Variants in CCSER2 observed in about 807,000 individuals in gnomAD.
CCSER2 encodes the protein serine-rich coiled-coil domain-containing protein 2.
CCSER2 carries 46 observed loss-of-function variants against 92.3 expected under a neutral mutation model. The ratio of observed to expected loss-of-function variants is 0.50; its 90% CI spans 0.39 to 0.64. The LOEUF (loss-of-function observed/expected upper bound fraction) is 0.64. CCSER2 is among the 30% of genes least tolerant of loss of function. The pLI, the probability that CCSER2 is intolerant of heterozygous loss-of-function variation, is 0.00. For synonymous variants in CCSER2, 433 were observed against 431.4 expected, an observed-to-expected ratio of 1.00 and a Z score of -0.04; for missense variants, 1,244 against 1,238.9, an observed-to-expected ratio of 1.00 and a Z score of -0.06.
chr10:84,457,647 AT>A (rs1845842245), intron 6 of CCSER2, among the ~76,000 whole-genome samples: 6 of 95,876 alleles, frequency 6.3e-5, no homozygotes, highest in Admixed American at 3.4e-4. Context: ...ATAATTATAT[AT>A]AATTATATTA....
intron 3 of CCSER2, among the ~76,000 whole-genome samples, chr10:84,402,046 C>G (rs1465889000): frequency 6.6e-6 from 1 of 152,180 alleles, no homozygotes; most frequent in Non-Finnish European, 1.5e-5. Context: ...CCCAATAGTA[C>G]TAGTTGCCAA....
chr10:84,447,685 C>T (rs751489693), intron 6 of CCSER2, among the ~76,000 whole-genome samples: 11 of 152,146 alleles, frequency 7.2e-5, no homozygotes, highest in Non-Finnish European at 1.3e-4. Flanking sequence ...AATTAAATCT[C>T]AAATAACTTG....
Position 84,373,780 on chromosome 10 carries a change from G to A in CCSER2, c.1579G>A (p.Val527Ile), listed in dbSNP as rs778291705. The change falls in exon 3 of 10, where the codon GTT becomes ATT. Residue 527 changes from valine to isoleucine, a missense_variant. By Grantham distance (29) the Val-to-Ile change is conservative. Coordinates refer to ENST00000372088, the MANE Select transcript of CCSER2 (RefSeq NM_001284240.2). Reference sequence around the variant, plus strand: ...GGAACCCATTGGAAATGTCCATCCAGTTGGGAGCTATGAGTCCTCTGAAAT... The same window carrying A: ...GGAACCCATTGGAAATGTCCATCCAATTGGGAGCTATGAGTCCTCTGAAAT... Reference protein sequence around the residue: ...GLEPIGNVHPVGSYESSEMNS... With the variant: ...GLEPIGNVHPIGSYESSEMNS... The A allele has an allele frequency of 6.2e-7, 1 of 1,613,752 alleles. No individual in the cohort carries two copies. Among genetic ancestry groups the A allele is most frequent in the Non-Finnish European group, 8.5e-7 (1 of 1,179,736 alleles).
At chr10:84,422,445 G>A (rs564732317) in intron 4 of CCSER2, among the ~76,000 whole-genome samples, 1 of 152,138 alleles carries the variant, frequency 6.6e-6, no homozygotes, top group Non-Finnish European at 1.5e-5. Context: ...AGAAAATTTG[G>A]TGCTTGACTT....
At chr10:84,362,813 A>T (rs541375221) in intron 1 of CCSER2, among the ~76,000 whole-genome samples, 4 of 151,554 alleles carry the variant, frequency 2.6e-5, no homozygotes, top group African/African-American at 9.7e-5. Flanking sequence ...TTTAATTGGT[A>T]TTTTATTTTA....
At chr10:84,479,442 T>C (rs1380580888) in intron 9 of CCSER2, among the ~76,000 whole-genome samples, 1 of 152,154 alleles carries the variant, frequency 6.6e-6, no homozygotes, top group Admixed American at 6.5e-5. Context: ...TTGAGATTTG[T>C]CCAAGGGGAT....
intron 6 of CCSER2, among the ~76,000 whole-genome samples, chr10:84,439,637 T>TAG (rs2133517995): frequency 6.6e-6 from 1 of 152,344 alleles, no homozygotes; most frequent in Non-Finnish European, 1.5e-5. Flanking sequence ...TTGTTTTCTG[T>TAG]TACTCAGGGA....
chr10:84,514,410 A>G lies in CCSER2; in HGVS notation c.*143A>G. ...AAATTAAAATGTGGAAGCTTCTACT[A>G]GTTTGGCTCCTTCATTTTATATCCT... On this transcript the variant is annotated 3_prime_UTR_variant, in exon 10 of 10. Transcript: ENST00000372088. 1.6e-6 allele frequency: 1 copy of G among 636,524 alleles called. No individual in the cohort carries two copies. Among genetic ancestry groups the G allele is most frequent in the Non-Finnish European group, 2.7e-6 (1 of 376,632 alleles). 39.4% of individuals were successfully genotyped at this position (636,524 alleles called of 1,614,324 possible). A position where few individuals can be genotyped will look rare whatever the true frequency, so the allele number is the denominator to read the frequency against.
intron 8 of CCSER2, 24 bp downstream of exon 8, chr10:84,470,482 A>G (rs775431416): frequency 2.2e-6 from 3 of 1,368,708 alleles, no homozygotes; most frequent in Non-Finnish European, 2.9e-6. Flanking sequence ...TATAATGTAT[A>G]GAGACTTTTC....
chr10:84,387,488 A>G (rs1841282718), intron 3 of CCSER2, among the ~76,000 whole-genome samples: 3 of 152,086 alleles, frequency 2.0e-5, no homozygotes, highest in African/African-American at 4.8e-5. Context: ...AGTTTATAGT[A>G]TACTACTTTG....
intron 1 of CCSER2, among the ~76,000 whole-genome samples, chr10:84,329,540 C>T (rs1205723380): frequency 6.6e-6 from 1 of 152,102 alleles, no homozygotes; most frequent in Non-Finnish European, 1.5e-5. Context: ...GTAGCTCACT[C>T]CTGTAAGAGA....
At chr10:84,483,998 A>ATATATAAT (rs1564711769) in intron 9 of CCSER2, among the ~76,000 whole-genome samples, 1 of 55,266 alleles carries the variant, frequency 1.8e-5, no homozygotes, top group African/African-American at 9.8e-5. Context: ...TATATATATA[A>ATATATAAT]TTTTTTTTTT....
intron 9 of CCSER2, among the ~76,000 whole-genome samples, chr10:84,489,045 A>C (rs1195816888): frequency 1.3e-5 from 2 of 152,146 alleles, no homozygotes; most frequent in African/African-American, 4.8e-5. Context: ...GTAGTTGCAC[A>C]GTTTTGAGTG....
intron 3 of CCSER2, among the ~76,000 whole-genome samples, chr10:84,376,045 C>T (rs756007464): frequency 2.0e-5 from 3 of 152,036 alleles, no homozygotes; most frequent in Non-Finnish European, 4.4e-5. Context: ...GTTCCACCCA[C>T]TGTTCATTTC....
intron 9 of CCSER2, among the ~76,000 whole-genome samples, chr10:84,512,405 A>AGAGAGAGGGGGAGGAGAGAGAGAG (rs2077845822): frequency 1.4e-5 from 2 of 140,622 alleles, no homozygotes; most frequent in East Asian, 2.1e-4. Flanking sequence ...TGAGAGAGAG[A>AGAGAGAGGGGGAGGAGAGAGAGAG]GAGAGAGAGA....
At chr10:84,465,941 G>A (rs1459038187) in intron 7 of CCSER2, among the ~76,000 whole-genome samples, 4 of 151,988 alleles carry the variant, frequency 2.6e-5, no homozygotes, top group East Asian at 1.9e-4. Flanking sequence ...TAGTAGAGAC[G>A]GGGTTTCACC....
At chr10:84,434,324 C>T (rs1259306657) in intron 5 of CCSER2, among the ~76,000 whole-genome samples, 1 of 152,038 alleles carries the variant, frequency 6.6e-6, no homozygotes, top group African/African-American at 2.4e-5. Context: ...CCCGTGTTCC[C>T]GCTCCCTCCT....
intron 7 of CCSER2, among the ~76,000 whole-genome samples, chr10:84,467,688 C>T (rs958429069): frequency 2.0e-5 from 3 of 152,118 alleles, no homozygotes; most frequent in African/African-American, 4.8e-5. Context: ...TTAAAATTCA[C>T]ACATATTCCT....
intron 3 of CCSER2, among the ~76,000 whole-genome samples, chr10:84,390,099 C>A (rs1841441862): frequency 6.6e-6 from 1 of 152,104 alleles, no homozygotes; most frequent in South Asian, 2.1e-4. Flanking sequence ...TACTTCCACA[C>A]ACATGTATCA....
Sources: allele counts gnomAD v4.1 joint callset (sites outside exome capture counted in the v4.1 genomes callset), GRCh38; gene constraint gnomAD v4.1.1; transcripts MANE v1.5; gene names NCBI Gene and HGNC (gene_info 2026-07-23, HGNC 2026-07-21).